Variants in TMEM37 observed in about 807,000 individuals in gnomAD.
TMEM37 encodes the protein voltage-dependent calcium channel gamma-like subunit.
In TMEM37, 12 loss-of-function variants were observed where a neutral mutation model predicts 11.0. That is an observed-to-expected ratio of 1.09 (90% CI 0.70 to 1.76). The LOEUF (loss-of-function observed/expected upper bound fraction) is 1.76. Ranked by LOEUF, TMEM37 falls within the 40% of genes most tolerant of loss-of-function variation. TMEM37 has a pLI of 0.00. For missense variants in TMEM37, 203 were observed against 251.2 expected, an observed-to-expected ratio of 0.81 and a Z score of 1.30; for synonymous variants, 127 against 110.5, an observed-to-expected ratio of 1.15 and a Z score of -0.94.
At chr2:119,430,043 A>T (rs978456331), upstream of TMEM37, 4 of 1,400,542 alleles carry the variant, frequency 2.9e-6, no homozygotes, top group Middle Eastern at 1.8e-4. Flanking sequence ...CTTAGGGCTC[A>T]GTGAAAGGAT....
At chr2:119,432,778 T>C (rs1032060080) in intron 1 of TMEM37, among the ~76,000 whole-genome samples, 5 of 152,168 alleles carry the variant, frequency 3.3e-5, no homozygotes, top group Admixed American at 1.3e-4. Flanking sequence ...GCCCATTGTA[T>C]AGATGAGGTA....
chr2:119,437,010 G>C lies in TMEM37; in HGVS notation c.143G>C (p.Gly48Ala). 6.2e-7 allele frequency: 1 copy of C among 1,614,254 alleles called. No homozygotes were observed. The highest frequency in any genetic ancestry group is 8.5e-7 in the Non-Finnish European group (1 of 1,180,046). Residue 48 changes from glycine (G) to alanine (A), a missense_variant, in exon 2 of 2, where the codon GGG becomes GCG. Gly to Ala is a moderately conservative substitution (Grantham distance 60, BLOSUM62 0). Transcript: ENST00000306406. ...CTGTCCTCGGTCTCCATTTGTGATG[G>C]GCACTGGCTCCTGGCTGAGGACCGC... is the stretch of plus-strand genomic sequence containing the variant. Reference protein sequence around the residue: ...VVLSSVSICDGHWLLAEDRLF... With the variant: ...VVLSSVSICDAHWLLAEDRLF...
chr2:119,431,689 G>A (rs1317940891), upstream of TMEM37, among the ~76,000 whole-genome samples: 1 of 152,106 alleles, frequency 6.6e-6, no homozygotes, highest in African/African-American at 2.4e-5. Context: ...GGGCTCCTCC[G>A]GCCGCCCTCG....
chr2:119,431,788 G>C, upstream of TMEM37: 122 of 591,688 alleles, frequency 2.1e-4, no homozygotes, highest in Non-Finnish European at 2.8e-4. Context: ...GCCCCCTCCC[G>C]CCCCGCCCGC....
chr2:119,434,952 T>C (rs1682470261), intron 1 of TMEM37, among the ~76,000 whole-genome samples: 1 of 152,172 alleles, frequency 6.6e-6, no homozygotes, highest in African/African-American at 2.4e-5. Flanking sequence ...TAGAAGGCCC[T>C]AGTCAGTATT....
Position 119,437,619 on chromosome 2 carries a change from A to C in TMEM37, c.*179A>C. On this transcript the variant is annotated 3_prime_UTR_variant, in exon 2 of 2. Transcript: ENST00000306406. ...CCAGAAATGGCCCGGGGGCCTCTGC[A>C]CCTGGTCTGCAGGGCCAGAGGCCAG... 2.6e-6 allele frequency: 2 copies of C among 778,244 alleles called. No individual in the cohort carries two copies. The highest frequency in any genetic ancestry group is 2.9e-5 in the Admixed American group (1 of 34,288). 48.2% of individuals were successfully genotyped at this position (778,244 alleles called of 1,614,324 possible).
rs570293668 is a variant in TMEM37, at chr2:119,437,777, T to C, written c.*337T>C. 1 of 324,000 alleles carries C rather than the reference T, an allele frequency of 3.1e-6. No individual in the cohort carries two copies. Among genetic ancestry groups the C allele is most frequent in the African/African-American group, 2.1e-5 (1 of 46,678 alleles). 20.1% of individuals were successfully genotyped at this position (324,000 alleles called of 1,614,324 possible). ...ATACAGTTGGAAGCACAGGGGTAACTGGTACCTGAGCTAGCTGCACAGCCA... is the reference window on the plus strand; with the variant it reads ...ATACAGTTGGAAGCACAGGGGTAACCGGTACCTGAGCTAGCTGCACAGCCA... On this transcript the variant is annotated 3_prime_UTR_variant, in exon 2 of 2. Transcript: ENST00000306406.
chr2:119,436,099 G>A (rs982433236), intron 1 of TMEM37, among the ~76,000 whole-genome samples: 2 of 152,176 alleles, frequency 1.3e-5, no homozygotes, highest in African/African-American at 4.8e-5. Flanking sequence ...CCCGGGTGGT[G>A]TCCTTGAACT....
Position 119,437,891 on chromosome 2 carries a change from T to C in TMEM37, c.*451T>C, listed in dbSNP as rs1682536848. The C allele has an allele frequency of 6.3e-6, 1 of 158,402 alleles. No homozygotes were observed. The highest frequency in any genetic ancestry group is 2.5e-5 in the African/African-American group (1 of 39,426). The allele number at this position is 158,402 out of a possible 1,614,324, so 9.8% of individuals were successfully genotyped here. A position where few individuals can be genotyped will look rare whatever the true frequency, so the allele number is the denominator to read the frequency against. On this transcript the variant is annotated 3_prime_UTR_variant, in exon 2 of 2. Coordinates refer to ENST00000306406, the MANE Select transcript of TMEM37 (RefSeq NM_183240.3). ...CCCAGGGTTGTTAAGAATGGATCAT[T>C]CTTCCAGCTAAGGGTCCAATCAGTG...
upstream of TMEM37, among the ~76,000 whole-genome samples, chr2:119,431,585 G>A (rs1324315580): frequency 6.6e-6 from 1 of 152,250 alleles, no homozygotes; most frequent in Non-Finnish European, 1.5e-5. Flanking sequence ...TGTCCTCGGA[G>A]GTTCGGGAGC....
At chr2:119,432,047 GCCCCCCGTGCCCGCCC>G in intron 1 of TMEM37, 123 bp downstream of exon 1, 1 of 607,040 alleles carries the variant, frequency 1.6e-6, no homozygotes, top group Non-Finnish European at 2.4e-6. Context: ...GGGTGCGAGC[GCCCCCCGTGCCCGCCC>G]CCTGTTGCAA....
chr2:119,437,723 CCTT>C lies in TMEM37; in HGVS notation c.*287_*289del, dbSNP rs887601622. 12 of 461,978 alleles carry C rather than the reference CCTT, an allele frequency of 2.6e-5. No individual in the cohort carries two copies. In the Admixed American group the frequency reaches 2.8e-4, roughly 11 times the overall value. 28.6% of individuals were successfully genotyped at this position (461,978 alleles called of 1,614,324 possible). On this transcript the variant is annotated 3_prime_UTR_variant, in exon 2 of 2. Transcript: ENST00000306406. ...AGGAAGAAAAAAACATTTTAAAACT[CCTT>C]CTTGAATTTTCTTCCCTGGACTGGA...
At position 119,438,048 on chromosome 2, in the gene TMEM37, T is replaced by G. The variant is rs1682541589; in HGVS notation, c.*608T>G. 1 of 152,464 alleles carries G rather than the reference T, an allele frequency of 6.6e-6. No homozygotes were observed. The highest frequency in any genetic ancestry group is 1.5e-5 in the Non-Finnish European group (1 of 68,244). The allele number at this position is 152,464 out of a possible 1,614,324, so 9.4% of individuals were successfully genotyped here. On this transcript the variant is annotated 3_prime_UTR_variant, in exon 2 of 2. Transcript: ENST00000306406. ...GCACACAGTAGGTTTCCAAACCATT[T>G]GACTCGGTTTGCCTCCCTGCCCGTT... is the stretch of plus-strand genomic sequence containing the variant.
intron 1 of TMEM37, among the ~76,000 whole-genome samples, chr2:119,435,315 A>C (rs1473524826): frequency 6.6e-6 from 1 of 152,174 alleles, no homozygotes; most frequent in East Asian, 1.9e-4. Flanking sequence ...TATGTCTCAC[A>C]CAGAGAGGAG....
upstream of TMEM37, chr2:119,431,838 T>C: frequency 1.5e-5 from 18 of 1,225,088 alleles, no homozygotes; most frequent in Non-Finnish European, 1.7e-5. Flanking sequence ...AGTCCCGGGC[T>C]GGCGCCGGCG....
chr2:119,433,913 T>C (rs1214952803), intron 1 of TMEM37, among the ~76,000 whole-genome samples: 4 of 152,192 alleles, frequency 2.6e-5, no homozygotes, highest in African/African-American at 9.7e-5. Context: ...GTTATTAATA[T>C]TAATAGCTAC....
intron 1 of TMEM37, 24 bp downstream of exon 1, chr2:119,431,948 T>C: frequency 8.2e-7 from 1 of 1,218,222 alleles, no homozygotes; most frequent in Non-Finnish European, 1.0e-6. Flanking sequence ...GGCGGGGCGC[T>C]GACCCGGGGT....
In TMEM37 at chr2:119,431,912, C is replaced by A. The variant is rs976018572; in HGVS notation, c.9C>A (p.Ala3=). The A allele has an allele frequency of 3.3e-6, 4 of 1,225,408 alleles. No homozygotes were observed. In the African/African-American group the frequency reaches 4.7e-5, roughly 14 times the overall value. 75.9% of individuals were successfully genotyped at this position (1,225,408 alleles called of 1,614,324 possible). A position where few individuals can be genotyped will look rare whatever the true frequency, so the allele number is the denominator to read the frequency against. ...CGGCCGCCGGGCGCAGCATGACTGC[C>A]GTCGGCGTGCAGGTAGCCGGCGCCT... The part of the protein sequence containing the change: MT[A]VGVQAQRPLG... The change falls in exon 1 of 2, where the codon GCC becomes GCA. Residue 3 remains alanine, a synonymous_variant. Transcript: ENST00000306406.
chr2:119,431,645 C>CT (rs1682395619), upstream of TMEM37, among the ~76,000 whole-genome samples: 4 of 115,682 alleles, frequency 3.5e-5, no homozygotes, highest in South Asian at 1.5e-3. Context: ...GGATCCCTCC[C>CT]CCCAAGTGCC....
Sources: allele counts gnomAD v4.1 joint callset (sites outside exome capture counted in the v4.1 genomes callset), GRCh38; gene constraint gnomAD v4.1.1; transcripts MANE v1.5; gene names NCBI Gene and HGNC (gene_info 2026-07-23, HGNC 2026-07-21).